TSPAN9: variants seen among roughly 807,000 people sequenced by gnomAD.
The protein encoded by TSPAN9 is tetraspanin 9.
In TSPAN9, 16 loss-of-function variants were observed where a neutral mutation model predicts 31.0. That is an observed-to-expected ratio of 0.52 (90% CI 0.35 to 0.78). TSPAN9 has a LOEUF of 0.78. Ranked by LOEUF, TSPAN9 falls within the 30% of genes least tolerant of loss-of-function variation. The pLI is 0.01. For synonymous variants in TSPAN9, 145 were observed against 121.6 expected (o/e 1.19, Z -1.27); for missense variants, 272 against 312.5 (o/e 0.87, Z 0.98).
chr12:3,230,720 C>G (rs2098390273), intron 3 of TSPAN9, among the ~76,000 whole-genome samples: 1 of 152,160 alleles, frequency 6.6e-6, no homozygotes, highest in South Asian at 2.1e-4. Context: ...CCTGTCCCAC[C>G]AGCTGCCCTC....
chr12:3,278,583 A>G lies in TSPAN9; in HGVS notation c.226A>G (p.Ile76Val), dbSNP rs374823630. The G allele has an allele frequency of 1.9e-6, 3 of 1,614,006 alleles. No homozygotes were observed. Among genetic ancestry groups the G allele is most frequent in the African/African-American group, 2.7e-5 (2 of 74,934 alleles). Residue 76 changes from isoleucine to valine, a missense_variant, in exon 4 of 9, where the codon ATC becomes GTC. By Grantham distance (29) the Ile-to-Val change is conservative. Coordinates refer to ENST00000011898, the MANE Select transcript of TSPAN9 (RefSeq NM_006675.5). ...VTGFLGCLGA[I>V]KENKCLLLSF... ...GGGCTTCCTCGGCTGCCTGGGGGCC[A>G]TCAAGGAAAACAAGTGCCTCCTCCT...
At chr12:3,151,380 G>A (rs11062533) in intron 2 of TSPAN9, 19,720 of 152,308 alleles carry the variant, frequency 0.13, 1,365 homozygotes, top group Middle Eastern at 0.18. Context: ...TTGGGTAATG[G>A]CAGGGCTGCA....
intron 3 of TSPAN9, among the ~76,000 whole-genome samples, chr12:3,225,626 C>T (rs1340598901): frequency 1.3e-5 from 2 of 152,120 alleles, no homozygotes; most frequent in Non-Finnish European, 2.9e-5. Context: ...CTGCACAGTG[C>T]CTGACTCATG....
At chr12:3,119,650 T>C (rs2098324166) in intron 2 of TSPAN9, among the ~76,000 whole-genome samples, 1 of 152,162 alleles carries the variant, frequency 6.6e-6, no homozygotes, top group Non-Finnish European at 1.5e-5. Context: ...CCCCCGCTCC[T>C]CTCCACTGAC....
chr12:3,220,483 G>A (rs1321914671), intron 3 of TSPAN9, among the ~76,000 whole-genome samples: 2 of 152,232 alleles, frequency 1.3e-5, no homozygotes, highest in African/African-American at 2.4e-5. Flanking sequence ...CTGCGGCACA[G>A]CATAGCTCAC....
At chr12:3,167,355 A>G (rs902462493) in intron 2 of TSPAN9, among the ~76,000 whole-genome samples, 1 of 152,232 alleles carries the variant, frequency 6.6e-6, no homozygotes, top group Non-Finnish European at 1.5e-5. Context: ...ACTCTGTGCC[A>G]GCCAATGAGG....
intron 2 of TSPAN9, among the ~76,000 whole-genome samples, chr12:3,182,488 C>A (rs1036277799): frequency 1.3e-5 from 2 of 151,406 alleles, no homozygotes; most frequent in Non-Finnish European, 2.9e-5. Flanking sequence ...TCACTAGATA[C>A]CACCAGAAAA....
chr12:3,274,219 C>T (rs1301496731), intron 3 of TSPAN9, among the ~76,000 whole-genome samples: 1 of 152,172 alleles, frequency 6.6e-6, no homozygotes, highest in Non-Finnish European at 1.5e-5. Context: ...GCCACATGTT[C>T]CCTGGGGAGC....
intron 3 of TSPAN9, among the ~76,000 whole-genome samples, chr12:3,256,560 G>A (rs1292014623): frequency 2.0e-5 from 3 of 152,208 alleles, no homozygotes; most frequent in African/African-American, 4.8e-5. Context: ...GGAGCGGCCC[G>A]GCTAGGGCTG....
chr12:3,230,845 G>GC (rs886184215), intron 3 of TSPAN9, among the ~76,000 whole-genome samples: 110 of 152,082 alleles, frequency 7.2e-4, no homozygotes, highest in Non-Finnish European at 1.3e-3. Context: ...CCTGTCCTCG[G>GC]CCCCCCTGGA....
intron 3 of TSPAN9, among the ~76,000 whole-genome samples, chr12:3,216,340 G>A (rs968770806): frequency 6.6e-6 from 1 of 152,150 alleles, no homozygotes; most frequent in Non-Finnish European, 1.5e-5. Context: ...GTGCTCATTC[G>A]TGCCCACATG....
chr12:3,209,109 C>T (rs910323946), intron 3 of TSPAN9, among the ~76,000 whole-genome samples: 16 of 151,942 alleles, frequency 1.1e-4, no homozygotes, highest in Admixed American at 7.9e-4. Context: ...GTGGCGGGTG[C>T]CTGTAGTCCC....
At chr12:3,216,599 T>C (rs1178458167) in intron 3 of TSPAN9, among the ~76,000 whole-genome samples, 2 of 152,244 alleles carry the variant, frequency 1.3e-5, no homozygotes, top group Non-Finnish European at 2.9e-5. Context: ...CAGGTCCCAC[T>C]GGGCACAGGG....
chr12:3,250,872 G>A (rs1212197616), intron 3 of TSPAN9, among the ~76,000 whole-genome samples: 1 of 152,234 alleles, frequency 6.6e-6, no homozygotes, highest in African/African-American at 2.4e-5. Context: ...CCTGAGGAAG[G>A]GCCTCGGGCC....
At chr12:3,121,920 A>G (rs935989322) in intron 2 of TSPAN9, among the ~76,000 whole-genome samples, 3 of 152,230 alleles carry the variant, frequency 2.0e-5, no homozygotes, top group African/African-American at 7.2e-5. Flanking sequence ...GTTATACTGT[A>G]TCAGTCACAC....
chr12:3,082,118 T>A (rs2098298255), intron 1 of TSPAN9, among the ~76,000 whole-genome samples: 1 of 152,200 alleles, frequency 6.6e-6, no homozygotes, highest in South Asian at 2.1e-4. Flanking sequence ...AGATGACAGT[T>A]CAAAGGACAA....
chr12:3,268,854 A>ATTCCTGCAGCCTGCCCTCCGTGCG (rs1565639711), intron 3 of TSPAN9, among the ~76,000 whole-genome samples: 4 of 55,876 alleles, frequency 7.2e-5, no homozygotes, highest in Non-Finnish European at 1.4e-4. Flanking sequence ...CCCTCCGTGC[A>ATTCCTGCAGCCTGCCCTCCGTGCG]TTCCTGCAGC....
At chr12:3,163,073 G>A (rs986622526) in intron 2 of TSPAN9, among the ~76,000 whole-genome samples, 14 of 152,258 alleles carry the variant, frequency 9.2e-5, no homozygotes, top group Middle Eastern at 3.4e-3. Context: ...CCCTGGCTGC[G>A]GTCCACACAG....
intron 2 of TSPAN9, among the ~76,000 whole-genome samples, chr12:3,086,512 T>G (rs1409707828): frequency 6.6e-6 from 1 of 152,192 alleles, no homozygotes; most frequent in Non-Finnish European, 1.5e-5. Context: ...TCATCATTTT[T>G]AGAACATCTG....
Sources: gnomAD v4.1 joint callset for allele counts (sites outside exome capture counted in the v4.1 genomes callset) on GRCh38, gnomAD v4.1.1 for gene constraint, MANE v1.5 for transcripts, NCBI Gene and HGNC (gene_info 2026-07-23, HGNC 2026-07-21) for gene names.